FUT8: variants seen among roughly 807,000 people sequenced by gnomAD.
FUT8 encodes the protein fucosyltransferase 8, also known as alpha-(1,6)-fucosyltransferase.
In FUT8, 29 loss-of-function variants were observed where a neutral mutation model predicts 71.3. That is an observed-to-expected ratio of 0.41 (90% CI 0.30 to 0.55). FUT8 has a LOEUF of 0.55. FUT8 is among the 20% of genes least tolerant of loss of function. The probability of loss-of-function intolerance (pLI) is 0.34; values close to 1 mark genes in which losing one functional copy is unlikely to be tolerated. For synonymous variants in FUT8, 254 were observed against 239.3 expected, an observed-to-expected ratio of 1.06 and a Z score of -0.57; for missense variants, 544 against 702.1, an observed-to-expected ratio of 0.77 and a Z score of 2.55.
At chr14:65,585,429 C>G (rs1297726807) in intron 3 of FUT8, among the ~76,000 whole-genome samples, 1 of 152,142 alleles carries the variant, frequency 6.6e-6, no homozygotes, top group Non-Finnish European at 1.5e-5. Context: ...TCAAGCAGTC[C>G]TCCCAACGTG....
chr14:65,382,084 C>T, the FUT8 span, among the ~76,000 whole-genome samples: 132 of 152,336 alleles, frequency 8.7e-4, no homozygotes, highest in African/African-American at 3.1e-3. Flanking sequence ...TTCACCTCTC[C>T]GTGGCATGTG....
intron 2 of FUT8, among the ~76,000 whole-genome samples, chr14:65,521,582 A>G (rs192934353): frequency 4.8e-4 from 73 of 152,348 alleles, no homozygotes; most frequent in Non-Finnish European, 9.1e-4. Context: ...CTGTGGGGAT[A>G]TTCGGATAAG....
chr14:65,555,252 G>T (rs923931830), intron 2 of FUT8, among the ~76,000 whole-genome samples: 2 of 151,780 alleles, frequency 1.3e-5, no homozygotes, highest in South Asian at 4.2e-4. Context: ...AATTTCTAAG[G>T]TGTTTTATTT....
chr14:65,524,775 T>C (rs1883330986), intron 2 of FUT8, among the ~76,000 whole-genome samples: 1 of 152,214 alleles, frequency 6.6e-6, no homozygotes, highest in Non-Finnish European at 1.5e-5. Flanking sequence ...TGAGAGTTTT[T>C]AGCATGCAGA....
chr14:65,443,591 G>A (rs1240631810), intron 1 of FUT8, among the ~76,000 whole-genome samples: 1 of 150,942 alleles, frequency 6.6e-6, no homozygotes, highest in Non-Finnish European at 1.5e-5. Flanking sequence ...GTGGTGGTGT[G>A]CGCTTGTGGT....
intron 3 of FUT8, among the ~76,000 whole-genome samples, chr14:65,611,390 C>G (rs1888990898): frequency 6.7e-6 from 1 of 149,740 alleles, no homozygotes; most frequent in African/African-American, 2.5e-5. Context: ...AATTGATTTT[C>G]TTTCTTTTTT....
upstream of FUT8, chr14:65,412,622 G>A: frequency 1.3e-5 from 4 of 298,986 alleles, no homozygotes; most frequent in South Asian, 1.1e-4. Flanking sequence ...CAGCGAGGAA[G>A]GGGGCGGGGA....
At chr14:65,674,495 C>T (rs1398547863) in intron 7 of FUT8, among the ~76,000 whole-genome samples, 1 of 152,134 alleles carries the variant, frequency 6.6e-6, no homozygotes, top group Non-Finnish European at 1.5e-5. Context: ...AAAATCATGC[C>T]TTTATAAGAG....
intron 3 of FUT8, among the ~76,000 whole-genome samples, chr14:65,594,841 C>T (rs1169822202): frequency 6.6e-6 from 1 of 152,090 alleles, no homozygotes; most frequent in Non-Finnish European, 1.5e-5. Context: ...AGCCACTTCT[C>T]TCCTCTGCCG....
the FUT8 span, among the ~76,000 whole-genome samples, chr14:65,392,402 A>G: frequency 9.2e-5 from 14 of 152,232 alleles, no homozygotes; most frequent in Non-Finnish European, 1.6e-4. Flanking sequence ...CAAGGCCACA[A>G]TTATAAAATC....
intron 3 of FUT8, among the ~76,000 whole-genome samples, chr14:65,599,525 G>A (rs928607065): frequency 2.6e-5 from 4 of 152,162 alleles, no homozygotes; most frequent in African/African-American, 7.2e-5. Context: ...TGATAGGCAA[G>A]CTGCTTTAGT....
rs141454176 is a variant in FUT8, at chr14:65,419,400, A to G, written c.-326+6186A>G. On this transcript the variant is annotated intron_variant, in intron 1 of 10. Transcript: ENST00000673929. The stretch of plus-strand genomic sequence containing the variant: ...AAATGAAGCACAGTGTTCTCCACTC[A>G]TGGGAGTACTGTTAGCAGGTTTAAG... Among the ~76,000 whole-genome samples the G allele has an allele frequency of 5.3e-3, 804 of 152,342 alleles. 18 individuals carry two copies. The highest frequency in any genetic ancestry group is 0.048 in the Admixed American group (740 of 15,294).
intron 1 of FUT8, among the ~76,000 whole-genome samples, chr14:65,453,526 C>T (rs957973332): frequency 1.3e-5 from 2 of 152,010 alleles, no homozygotes; most frequent in African/African-American, 4.8e-5. Context: ...TCAGATTGTC[C>T]TTTCATGGCT....
intron 6 of FUT8, among the ~76,000 whole-genome samples, chr14:65,661,780 A>G (rs757878636): frequency 5.3e-5 from 8 of 152,214 alleles, no homozygotes; most frequent in Admixed American, 1.3e-4. Flanking sequence ...AAGAACGCCT[A>G]TGGTTTACTA....
chr14:65,615,034 T>A (rs1317580499), intron 3 of FUT8, among the ~76,000 whole-genome samples: 1 of 152,188 alleles, frequency 6.6e-6, no homozygotes. Flanking sequence ...TGTTCCAGCT[T>A]TTATATTATT....
the FUT8 span, among the ~76,000 whole-genome samples, chr14:65,399,620 G>T: frequency 6.6e-6 from 1 of 152,198 alleles, no homozygotes; most frequent in South Asian, 2.1e-4. Flanking sequence ...AGTTAATCAC[G>T]CATAGTTTTG....
chr14:65,516,030 A>G (rs1018151164), intron 2 of FUT8, among the ~76,000 whole-genome samples: 1 of 152,024 alleles, frequency 6.6e-6, no homozygotes, highest in Non-Finnish European at 1.5e-5. Context: ...TGGTTGTGGT[A>G]ATGTGTGCCT....
At chr14:65,623,326 G>T (rs183545330) in intron 5 of FUT8, among the ~76,000 whole-genome samples, 2 of 152,168 alleles carry the variant, frequency 1.3e-5, no homozygotes, top group South Asian at 2.1e-4. Flanking sequence ...GAAAACTAGA[G>T]AAATTAGCAG....
chr14:65,406,829 C>T (rs897632598), upstream of FUT8, among the ~76,000 whole-genome samples: 6 of 152,300 alleles, frequency 3.9e-5, no homozygotes, highest in East Asian at 5.8e-4. Flanking sequence ...TGAGCCACAG[C>T]GCCTGGCCTG....
Sources: allele counts gnomAD v4.1 joint callset (sites outside exome capture counted in the v4.1 genomes callset), GRCh38; gene constraint gnomAD v4.1.1; transcripts MANE v1.5; gene names NCBI Gene and HGNC (gene_info 2026-07-23, HGNC 2026-07-21).